Variants in ITGBL1 observed in about 807,000 individuals in gnomAD.
The protein encoded by ITGBL1 is integrin beta-like protein 1.
In ITGBL1, 51 loss-of-function variants were observed where a neutral mutation model predicts 68.5. The observed-to-expected ratio is 0.74, with a 90% confidence interval of 0.59 to 0.94. The LOEUF (loss-of-function observed/expected upper bound fraction) is 0.94. Ranked by LOEUF, ITGBL1 falls within the 40% of genes least tolerant of loss-of-function variation. ITGBL1 has a pLI of 0.00. For synonymous variants in ITGBL1, 209 were observed against 227.3 expected (o/e 0.92, Z 0.72); for missense variants, 649 against 647.4 (o/e 1.00, Z -0.03).
Position 101,715,824 on chromosome 13 carries a change from C to A in ITGBL1, c.*170C>A. ...GAGTACCTATTAGAAATGAGTTATG[C>A]AAATTTAGATGCAAATAACATTAGA... On this transcript the variant is annotated 3_prime_UTR_variant, in exon 11 of 11. Transcript: ENST00000376180. 2.1e-6 allele frequency: 1 copy of A among 476,060 alleles called. No individual in the cohort carries two copies. Among genetic ancestry groups the A allele is most frequent in the South Asian group, 4.1e-5 (1 of 24,412 alleles). The allele number at this position is 476,060 out of a possible 1,614,324, so 29.5% of individuals were successfully genotyped here. A position where few individuals can be genotyped will look rare whatever the true frequency, so the allele number is the denominator to read the frequency against.
chr13:101,619,898 T>C (rs911377124), intron 7 of ITGBL1, among the ~76,000 whole-genome samples: 1 of 152,170 alleles, frequency 6.6e-6, no homozygotes, highest in African/African-American at 2.4e-5. Context: ...TGTCTTAAAA[T>C]GAAACCAGTC....
downstream of ITGBL1, chr13:101,720,325 A>G (rs2139642390): frequency 6.6e-6 from 1 of 152,254 alleles, no homozygotes; most frequent in South Asian, 2.1e-4. Flanking sequence ...ATATTAGAAG[A>G]AAGTATTTGA....
chr13:101,541,288 C>T (rs904560955), intron 2 of ITGBL1, among the ~76,000 whole-genome samples: 79 of 151,846 alleles, frequency 5.2e-4, no homozygotes, highest in African/African-American at 1.8e-3. Context: ...TGTCAAAGGC[C>T]TTTTCTGCAT....
intron 2 of ITGBL1, among the ~76,000 whole-genome samples, chr13:101,566,942 C>T (rs1421135257): frequency 6.6e-6 from 1 of 152,074 alleles, no homozygotes; most frequent in Non-Finnish European, 1.5e-5. Flanking sequence ...TGTATATTAG[C>T]CTTGACTTTG....
At chr13:101,690,824 G>T (rs1452648903) in intron 7 of ITGBL1, among the ~76,000 whole-genome samples, 1 of 152,312 alleles carries the variant, frequency 6.6e-6, no homozygotes, top group Non-Finnish European at 1.5e-5. Flanking sequence ...ATGTGTATTG[G>T]TATATTTTTC....
intron 7 of ITGBL1, among the ~76,000 whole-genome samples, chr13:101,650,140 C>G (rs1594954095): frequency 6.6e-6 from 1 of 152,172 alleles, no homozygotes; most frequent in East Asian, 1.9e-4. Flanking sequence ...GCTTTCTCAT[C>G]AGATTCTAAA....
intron 6 of ITGBL1, among the ~76,000 whole-genome samples, chr13:101,596,807 A>T (rs540194504): frequency 6.6e-6 from 1 of 152,306 alleles, no homozygotes; most frequent in East Asian, 1.9e-4. Flanking sequence ...CAACTGAAAA[A>T]AAAACTGAAA....
chr13:101,538,291 A>G (rs532014565), intron 2 of ITGBL1, among the ~76,000 whole-genome samples: 1 of 151,902 alleles, frequency 6.6e-6, no homozygotes, highest in South Asian at 2.1e-4. Flanking sequence ...AAAGAAGGAA[A>G]CAGTTTACTG....
At chr13:101,569,025 AACACACACACACACACACACACACAC>A (rs112814235) in intron 3 of ITGBL1, among the ~76,000 whole-genome samples, 1 of 103,656 alleles carries the variant, frequency 9.6e-6, no homozygotes, top group Admixed American at 1.0e-4. Context: ...CACCCCTCCA[AACACACACACACACACACACACACAC>A]ACACACACAC....
At position 101,591,241 on chromosome 13, in the gene ITGBL1, A is replaced by G. The variant is rs1298499240; in HGVS notation, c.869-6912A>G. On this transcript the variant is annotated intron_variant, in intron 6 of 10. Coordinates refer to ENST00000376180, the MANE Select transcript of ITGBL1 (RefSeq NM_004791.3). ...CTGAGATGAATGAATGGCAAAAGCC[A>G]TAGAACCCAACAACCTATGAAATAT... Among the ~76,000 whole-genome samples, 5 of 152,242 alleles carry G rather than the reference A, an allele frequency of 3.3e-5. No individual in the cohort carries two copies. The East Asian group carries it at 7.7e-4, about 23-fold the overall frequency.
intron 2 of ITGBL1, among the ~76,000 whole-genome samples, chr13:101,567,181 CG>C (rs1375993999): frequency 2.0e-5 from 3 of 152,040 alleles, no homozygotes; most frequent in African/African-American, 7.2e-5. Flanking sequence ...AAAATATATA[CG>C]TATTTTATGT....
At chr13:101,632,401 A>T (rs1168672300) in intron 7 of ITGBL1, among the ~76,000 whole-genome samples, 3 of 152,194 alleles carry the variant, frequency 2.0e-5, no homozygotes, top group Non-Finnish European at 4.4e-5. Flanking sequence ...GAGCCTGAAA[A>T]GCACCAATAT....
At chr13:101,637,383 A>T (rs1207278022) in intron 7 of ITGBL1, among the ~76,000 whole-genome samples, 1 of 141,110 alleles carries the variant, frequency 7.1e-6, no homozygotes, top group Non-Finnish European at 1.5e-5. Flanking sequence ...TCACTCTGTC[A>T]CCCAGGCTAG....
At chr13:101,639,308 T>G (rs975046832) in intron 7 of ITGBL1, among the ~76,000 whole-genome samples, 1 of 152,204 alleles carries the variant, frequency 6.6e-6, no homozygotes, top group Non-Finnish European at 1.5e-5. Context: ...TTTCTTTTGT[T>G]CTGAAATTCA....
At chr13:101,491,356 A>C (rs2048773859) in intron 2 of ITGBL1, among the ~76,000 whole-genome samples, 2 of 152,164 alleles carry the variant, frequency 1.3e-5, no homozygotes, top group Non-Finnish European at 1.5e-5. Flanking sequence ...TAGCTTCCAA[A>C]TTAACCTACT....
chr13:101,605,213 TAC>T (rs1331721462), intron 7 of ITGBL1, among the ~76,000 whole-genome samples: 9 of 145,306 alleles, frequency 6.2e-5, no homozygotes, highest in African/African-American at 2.4e-4. Flanking sequence ...TGCGTATATA[TAC>T]ACATATAGAC....
chr13:101,509,247 C>G (rs1207430899), intron 2 of ITGBL1, among the ~76,000 whole-genome samples: 1 of 152,030 alleles, frequency 6.6e-6, no homozygotes, highest in Non-Finnish European at 1.5e-5. Flanking sequence ...TCATGAGACT[C>G]ATTCACGATC....
intron 7 of ITGBL1, among the ~76,000 whole-genome samples, chr13:101,649,650 C>T (rs2032677962): frequency 6.6e-6 from 1 of 152,122 alleles, no homozygotes; most frequent in Non-Finnish European, 1.5e-5. Context: ...TAGCAAGGAT[C>T]ATGATTTCTC....
intron 9 of ITGBL1, among the ~76,000 whole-genome samples, chr13:101,707,723 C>T (rs1470745171): frequency 6.6e-6 from 1 of 151,698 alleles, no homozygotes; most frequent in Non-Finnish European, 1.5e-5. Context: ...CATTGTGGCT[C>T]ACACCTGTAA....
Sources: allele counts gnomAD v4.1 joint callset (sites outside exome capture counted in the v4.1 genomes callset), GRCh38; gene constraint gnomAD v4.1.1; transcripts MANE v1.5; gene names NCBI Gene and HGNC (gene_info 2026-07-23, HGNC 2026-07-21).